The following CAMTA1 variants were observed in gnomAD, a reference collection of about 807,000 sequenced individuals.
The protein encoded by CAMTA1 is calmodulin-binding transcription activator 1.
Under a neutral mutation model 170.9 loss-of-function variants are expected in CAMTA1, and 27 were observed. The ratio of observed to expected loss-of-function variants is 0.16; its 90% confidence interval spans 0.12 to 0.22. CAMTA1 has a LOEUF of 0.22. Among genes scored for constraint, CAMTA1 ranks in the 10% least tolerant of loss-of-function variants. The probability of loss-of-function intolerance (pLI) is 1.00; values close to 1 mark genes in which losing one functional copy is unlikely to be tolerated. For synonymous variants in CAMTA1, 833 were observed against 891.5 expected (o/e 0.93, Z 1.17); for missense variants, 1,619 against 2,217.2 (o/e 0.73, Z 5.42).
At chr1:7,625,276 G>A (rs563139463) in intron 6 of CAMTA1, among the ~76,000 whole-genome samples, 13 of 152,376 alleles carry the variant, frequency 8.5e-5, no homozygotes, top group African/African-American at 2.2e-4. Context: ...AGACTGGGGC[G>A]GTGGCCTCAA....
intron 3 of CAMTA1, among the ~76,000 whole-genome samples, chr1:6,905,563 A>G (rs560489298): frequency 6.6e-6 from 1 of 152,092 alleles, no homozygotes; most frequent in East Asian, 1.9e-4. Context: ...CTTCCCTCTC[A>G]TAATAAAGCT....
intron 5 of CAMTA1, among the ~76,000 whole-genome samples, chr1:7,364,521 C>A (rs1401466877): frequency 6.6e-6 from 1 of 151,880 alleles, no homozygotes; most frequent in Non-Finnish European, 1.5e-5. Flanking sequence ...ACAATCCTAG[C>A]TCACTGCTTT....
chr1:7,724,399 T>C (rs1300926232), intron 11 of CAMTA1, among the ~76,000 whole-genome samples: 2 of 152,248 alleles, frequency 1.3e-5, no homozygotes, highest in East Asian at 3.8e-4. Flanking sequence ...ATGGGAACTC[T>C]ACGATCTTTG....
At chr1:7,317,438 C>T (rs6668927) in intron 5 of CAMTA1, among the ~76,000 whole-genome samples, 34,691 of 152,272 alleles carry the variant, frequency 0.23, 5,131 homozygotes, top group East Asian at 0.56. Flanking sequence ...GATAGAATCA[C>T]TGTGAGGGTT....
At chr1:7,298,701 T>C (rs1418948566) in intron 5 of CAMTA1, among the ~76,000 whole-genome samples, 6 of 152,252 alleles carry the variant, frequency 3.9e-5, no homozygotes. Flanking sequence ...ATTTACCAAA[T>C]TGTTTATCCA....
At chr1:7,571,103 C>G (rs2095120312) in intron 6 of CAMTA1, among the ~76,000 whole-genome samples, 1 of 152,210 alleles carries the variant, frequency 6.6e-6, no homozygotes, top group Non-Finnish European at 1.5e-5. Flanking sequence ...GCTGCTATAG[C>G]AAAATGACAT....
intron 6 of CAMTA1, among the ~76,000 whole-genome samples, chr1:7,527,777 C>A (rs956162823): frequency 6.6e-6 from 1 of 152,188 alleles, no homozygotes; most frequent in Admixed American, 6.5e-5. Context: ...GGAAAGGGTG[C>A]CTCACTTGGG....
chr1:7,323,135 C>G (rs1320407691), intron 5 of CAMTA1, among the ~76,000 whole-genome samples: 1 of 151,718 alleles, frequency 6.6e-6, no homozygotes, highest in Non-Finnish European at 1.5e-5. Flanking sequence ...AAAAAATTAA[C>G]CTTAAAGTAT....
chr1:7,018,799 T>A (rs1422038342), intron 3 of CAMTA1, among the ~76,000 whole-genome samples: 2 of 152,174 alleles, frequency 1.3e-5, no homozygotes, highest in African/African-American at 4.8e-5. Flanking sequence ...TTAATGCTCA[T>A]CCTTTCCCTT....
intron 5 of CAMTA1, among the ~76,000 whole-genome samples, chr1:7,329,186 GAA>G (rs35478260): frequency 1.3e-5 from 2 of 149,406 alleles, no homozygotes; most frequent in African/African-American, 4.9e-5. Flanking sequence ...GTAACATCTT[GAA>G]AAAAAAAATC....
chr1:7,614,836 A>G (rs1306092667), intron 6 of CAMTA1, among the ~76,000 whole-genome samples: 1 of 152,054 alleles, frequency 6.6e-6, no homozygotes, highest in African/African-American at 2.4e-5. Flanking sequence ...TTGACCCCTG[A>G]AAGCCCTGGC....
intron 7 of CAMTA1, among the ~76,000 whole-genome samples, chr1:7,654,554 GCACACACCTATACA>G (rs2095867591): frequency 2.6e-5 from 3 of 113,522 alleles, no homozygotes; most frequent in Non-Finnish European, 3.7e-5. Context: ...ACACACACCG[GCACACACCTATACA>G]CACACACCTA....
At chr1:7,375,715 G>A (rs1300019046) in intron 5 of CAMTA1, among the ~76,000 whole-genome samples, 1 of 152,210 alleles carries the variant, frequency 6.6e-6, no homozygotes, top group Non-Finnish European at 1.5e-5. Context: ...GTAAATACTG[G>A]GGCCTCGATT....
At position 7,482,782 on chromosome 1, in the gene CAMTA1, C is replaced by T. The variant is rs1296973998; in HGVS notation, c.510+14881C>T. Among the ~76,000 whole-genome samples the T allele has an allele frequency of 6.6e-6, 1 of 152,182 alleles. No homozygotes were observed. Among genetic ancestry groups the T allele is most frequent in the Admixed American group, 6.5e-5 (1 of 15,288 alleles). On this transcript the variant is annotated intron_variant, in intron 6 of 22. Transcript: ENST00000303635. This position sits in a 1 kb window ranked among gnomAD's most constrained non-coding sequence, Gnocchi z 4.2. ...CCAAAGAAATGAGCTCCCATGGGGT[C>T]TCATTTTGCCCTATCTGTGCCCTCA...
intron 4 of CAMTA1, among the ~76,000 whole-genome samples, chr1:7,154,217 T>C (rs1249111553): frequency 6.6e-6 from 1 of 152,198 alleles, no homozygotes; most frequent in Non-Finnish European, 1.5e-5. Flanking sequence ...GTACCCTTTC[T>C]AGAGTCAGAA....
At chr1:7,380,402 C>T (rs1308498135) in intron 5 of CAMTA1, among the ~76,000 whole-genome samples, 70 of 152,112 alleles carry the variant, frequency 4.6e-4, no homozygotes, top group Admixed American at 4.6e-3. Flanking sequence ...TGGAGAAACC[C>T]CGTCTCTACT....
intron 7 of CAMTA1, among the ~76,000 whole-genome samples, chr1:7,645,532 C>T (rs2095796846): frequency 6.6e-6 from 1 of 152,262 alleles, no homozygotes; most frequent in Non-Finnish European, 1.5e-5. Context: ...TCCCAGCTCT[C>T]CCACCTGGAG....
At chr1:7,223,136 T>A (rs1345491531) in intron 4 of CAMTA1, among the ~76,000 whole-genome samples, 1 of 151,940 alleles carries the variant, frequency 6.6e-6, no homozygotes, top group Non-Finnish European at 1.5e-5. Context: ...TGCCTTTACT[T>A]ACCTGTTGAT....
chr1:7,350,587 G>A (rs994164141), intron 5 of CAMTA1, among the ~76,000 whole-genome samples: 13 of 152,150 alleles, frequency 8.5e-5, no homozygotes, highest in South Asian at 4.1e-4. Context: ...TTCCTTTACC[G>A]GGAAGTTCCA....
Sources: gnomAD v4.1 joint callset for allele counts (sites outside exome capture counted in the v4.1 genomes callset) on GRCh38, gnomAD v4.1.1 for gene constraint, Gnocchi (gnomAD v3.1) non-coding constraint, MANE v1.5 for transcripts, NCBI Gene and HGNC (gene_info 2026-07-23, HGNC 2026-07-21) for gene names.